TMEM130: variants seen among roughly 807,000 people sequenced by gnomAD.
TMEM130 encodes the protein transmembrane protein 130.
TMEM130 carries 37 observed loss-of-function variants against 42.9 expected under a neutral mutation model. The ratio of observed to expected loss-of-function variants is 0.86; its 90% CI spans 0.66 to 1.13. TMEM130 has a LOEUF of 1.13. TMEM130 is among the 50% of genes most tolerant of loss of function. The probability of loss-of-function intolerance (pLI) is 0.00; values close to 1 mark genes in which losing one functional copy is unlikely to be tolerated. For synonymous variants in TMEM130, 259 were observed against 237.7 expected (o/e 1.09, Z -0.82); for missense variants, 545 against 562.6 (o/e 0.97, Z 0.32).
At chr7:98,848,963 C>A (rs1554397821) in intron 6 of TMEM130, among the ~76,000 whole-genome samples, 1 of 152,168 alleles carries the variant, frequency 6.6e-6, no homozygotes, top group East Asian at 1.9e-4. Context: ...ATTCCTCACA[C>A]CTTGAGTGAG....
chr7:98,865,966 AT>A, intron 1 of TMEM130: 3 of 178,598 alleles, frequency 1.7e-5, no homozygotes, highest in South Asian at 2.3e-4. Context: ...CTCCAGGTCC[AT>A]TTTGGGAAAT....
intron 1 of TMEM130, among the ~76,000 whole-genome samples, chr7:98,864,810 G>T (rs929759176): frequency 1.3e-5 from 2 of 152,138 alleles, no homozygotes; most frequent in Non-Finnish European, 2.9e-5. Flanking sequence ...TGAGGCAGGG[G>T]AATCGCTGGA....
intron 1 of TMEM130, among the ~76,000 whole-genome samples, chr7:98,867,196 T>A (rs1794929598): frequency 1.3e-5 from 2 of 152,090 alleles, no homozygotes; most frequent in Admixed American, 6.5e-5. Context: ...ACCTGCAGTG[T>A]CTTAACCCCA....
chr7:98,857,618 T>A (rs570512354), intron 3 of TMEM130, among the ~76,000 whole-genome samples: 1 of 151,782 alleles, frequency 6.6e-6, no homozygotes, highest in Non-Finnish European at 1.5e-5. Context: ...GAGGATCACT[T>A]GAGGCCAGGA....
intron 3 of TMEM130, among the ~76,000 whole-genome samples, chr7:98,856,478 CAG>C (rs1399340787): frequency 6.6e-5 from 10 of 152,200 alleles, no homozygotes; most frequent in African/African-American, 2.2e-4. Flanking sequence ...GTGGTGAAGA[CAG>C]AAGAATTTTT....
rs1047080166 is a variant in TMEM130 at position 98,869,556 on chromosome 7, G to A, written c.85+221C>T. ...GGGGGGTGGAAGCAGGAATCCAGGG[G>A]GTGCGGGGAGCCCCCTCCAGTGCCC... On this transcript the variant is annotated intron_variant, in intron 1 of 7. Coordinates refer to ENST00000339375, the MANE Select transcript of TMEM130 (RefSeq NM_152913.3). The surrounding 1 kb of genome is among the most constrained non-coding windows in gnomAD (Gnocchi z 4.7). 6.6e-6 allele frequency among the ~76,000 whole-genome samples: 1 copy of A among 152,250 alleles called. No individual in the cohort carries two copies. The highest frequency in any genetic ancestry group is 1.5e-5 in the Non-Finnish European group (1 of 68,050).
At chr7:98,850,217 T>G (rs1554398001) in intron 6 of TMEM130, among the ~76,000 whole-genome samples, 1 of 140,256 alleles carries the variant, frequency 7.1e-6, no homozygotes, top group Non-Finnish European at 1.5e-5. Flanking sequence ...ACTCTCTCTC[T>G]CTCTCAATCC....
At chr7:98,859,742 T>A (rs561671729) in intron 3 of TMEM130, among the ~76,000 whole-genome samples, 52 of 150,498 alleles carry the variant, frequency 3.5e-4, no homozygotes, top group African/African-American at 1.2e-3. Flanking sequence ...ATTAATTAAT[T>A]AATTAATTAA....
At chr7:98,850,271 A>ATTTTTTTTTTTTT (rs1290884464) in intron 6 of TMEM130, among the ~76,000 whole-genome samples, 1 of 33,878 alleles carries the variant, frequency 3.0e-5, no homozygotes, top group African/African-American at 7.7e-5. Flanking sequence ...ATATATATAT[A>ATTTTTTTTTTTTT]TATTTTTTTT....
chr7:98,856,966 G>A (rs1225507991), intron 3 of TMEM130, among the ~76,000 whole-genome samples: 5 of 150,970 alleles, frequency 3.3e-5, no homozygotes, highest in Non-Finnish European at 7.4e-5. Context: ...TGTTGCCCTG[G>A]CTGGAGTGCT....
rs1328173786 is a variant in TMEM130, at chr7:98,846,942, GC to G, written c.*1113del. The G allele has an allele frequency of 6.6e-6, 1 of 151,598 alleles. No individual in the cohort carries two copies. Among genetic ancestry groups the G allele is most frequent in the Non-Finnish European group, 1.5e-5 (1 of 68,014 alleles). The allele number at this position is 151,598 out of a possible 1,614,324, so 9.4% of individuals were successfully genotyped here. ...GCCATCTGGGCTCACTGCAAGCTCC[GC>G]CTCCCGGGTTCGCACCATTCTCCTG... On this transcript the variant is annotated 3_prime_UTR_variant, in exon 8 of 8. Transcript: ENST00000339375.
chr7:98,851,211 A>G (rs1376820979), intron 6 of TMEM130, among the ~76,000 whole-genome samples: 1 of 151,406 alleles, frequency 6.6e-6, no homozygotes, highest in Non-Finnish European at 1.5e-5. Context: ...GGGATTGGAG[A>G]GTTTGGTGGT....
In TMEM130 at chr7:98,860,266, G is replaced by T; in HGVS notation, c.464C>A (p.Thr155Asn). The change falls in exon 3 of 8, where the codon ACC becomes AAC. Residue 155 changes from threonine (T) to asparagine (N), a missense_variant. Thr to Asn is a moderately conservative substitution (Grantham distance 65, BLOSUM62 0). Coordinates refer to ENST00000339375, the MANE Select transcript of TMEM130 (RefSeq NM_152913.3). ...LPWPSSYLTK[T>N]VLKVSFLLHD... ...GAGGAGGAAGGAGACTTTCAGGACG[G>T]TCTTAGTGAGATAGGAGCTGGGCCA... 6.2e-7 allele frequency: 1 copy of T among 1,613,592 alleles called. No individual in the cohort carries two copies.
At chr7:98,850,273 A>ATATATTTTTTTTTTTTTTTTTTTTTTT in intron 6 of TMEM130, among the ~76,000 whole-genome samples, 13 of 35,446 alleles carry the variant, frequency 3.7e-4, no homozygotes, top group East Asian at 7.7e-4. Flanking sequence ...ATATATATAT[A>ATATATTTTTTTTTTTTTTTTTTTTTTT]TTTTTTTTTT....
chr7:98,848,389 A>T, intron 7 of TMEM130, 181 bp from the exon 8 acceptor site: 1 of 811,336 alleles, frequency 1.2e-6, no homozygotes, highest in Non-Finnish European at 2.0e-6. Context: ...TATAGGAGAT[A>T]AATCAGATGG....
At chr7:98,854,501 G>T (rs1285331069) in intron 5 of TMEM130, among the ~76,000 whole-genome samples, 2 of 152,238 alleles carry the variant, frequency 1.3e-5, no homozygotes, top group Non-Finnish European at 2.9e-5. Context: ...CACTTGGGGA[G>T]GCCAAGCTGG....
rs895397664 is a variant in TMEM130, at chr7:98,860,246, G to A, written c.484C>T (p.Leu162Phe). ...AGGAAGTTGCTCGGGTCGTGGAGGAGGAAGGAGACTTTCAGGACGGTCTTA... is the reference window on the plus strand; with the variant it reads ...AGGAAGTTGCTCGGGTCGTGGAGGAAGAAGGAGACTTTCAGGACGGTCTTA... ...LTKTVLKVSFLLHDPSNFLKT... is the reference protein window; with the variant it reads ...LTKTVLKVSFFLHDPSNFLKT... Residue 162 changes from leucine to phenylalanine, a missense_variant, in exon 3 of 8, where the codon CTC becomes TTC. Physicochemically the swap from Leu to Phe is conservative, Grantham distance 22. Transcript: ENST00000339375. 1 of 1,614,072 alleles carries A rather than the reference G, an allele frequency of 6.2e-7. No individual in the cohort carries two copies. Among genetic ancestry groups the A allele is most frequent in the Non-Finnish European group, 8.5e-7 (1 of 1,179,992 alleles).
At chr7:98,863,545 C>T in intron 1 of TMEM130, 145 bp from the exon 2 acceptor site, 1 of 738,676 alleles carries the variant, frequency 1.4e-6, no homozygotes, top group Non-Finnish European at 2.1e-6. Flanking sequence ...CCAAGGGTCA[C>T]TCAGCCAATT....
At chr7:98,848,268 GTCAA>G in intron 7 of TMEM130, 60 bp from the exon 8 acceptor site, 1 of 1,603,480 alleles carries the variant, frequency 6.2e-7, no homozygotes, top group Non-Finnish European at 8.5e-7. Flanking sequence ...AATCCCACGG[GTCAA>G]TCACCCACCC....
Sources: allele counts gnomAD v4.1 joint callset (sites outside exome capture counted in the v4.1 genomes callset), GRCh38; gene constraint gnomAD v4.1.1; non-coding constraint Gnocchi (gnomAD v3.1); transcripts MANE v1.5; gene names NCBI Gene and HGNC (gene_info 2026-07-23, HGNC 2026-07-21).